The following CADM1 variants were observed in gnomAD, a reference collection of about 807,000 sequenced individuals.
The protein encoded by CADM1 is cell adhesion molecule 1.
A neutral mutation model predicts 53.1 loss-of-function variants in CADM1; 15 were observed. That is an observed-to-expected ratio of 0.28 (90% confidence interval 0.19 to 0.44). The LOEUF is 0.44. CADM1 is among the 20% of genes least tolerant of loss of function. CADM1 has a pLI of 1.00. For synonymous variants in CADM1, 281 were observed against 243.0 expected, an observed-to-expected ratio of 1.16 and a Z score of -1.45; for missense variants, 434 against 611.3, an observed-to-expected ratio of 0.71 and a Z score of 3.06.
At chr11:115,214,544 A>C in intron 7 of CADM1, 64 bp downstream of exon 7, 1 of 1,477,086 alleles carries the variant, frequency 6.8e-7, no homozygotes, top group Non-Finnish European at 9.5e-7. Flanking sequence ...CTTTGAGAGT[A>C]AATCACAAGT....
chr11:115,233,526 G>C (rs1277608742), intron 3 of CADM1, among the ~76,000 whole-genome samples: 1 of 151,982 alleles, frequency 6.6e-6, no homozygotes, highest in East Asian at 1.9e-4. Context: ...TAGATGTTTA[G>C]GACTAATAAA....
chr11:115,294,246 T>C (rs1943987227), intron 1 of CADM1, among the ~76,000 whole-genome samples: 1 of 152,180 alleles, frequency 6.6e-6, no homozygotes, highest in Non-Finnish European at 1.5e-5. Flanking sequence ...GTCATGCATT[T>C]GCCAGAGGAG....
At position 115,173,863 on chromosome 11, in the gene CADM1, A is replaced by G. The variant is rs967112804; in HGVS notation, c.*2611T>C. 24 of 971,414 alleles carry G rather than the reference A, an allele frequency of 2.5e-5. No homozygotes were observed. Among genetic ancestry groups the G allele is most frequent in the Middle Eastern group, 5.2e-4 (1 of 1,914 alleles). 60.2% of individuals were successfully genotyped at this position (971,414 alleles called of 1,614,324 possible). On this transcript the variant is annotated 3_prime_UTR_variant, in exon 12 of 12. Coordinates refer to ENST00000331581, the MANE Select transcript of CADM1 (RefSeq NM_001301043.2). ...TAAAGAACAAGCTTATTTGGCATCAATTATACATCCTTCATTATTTTATAT... is the reference window on the plus strand; with the variant it reads ...TAAAGAACAAGCTTATTTGGCATCAGTTATACATCCTTCATTATTTTATAT...
chr11:115,290,008 C>T (rs1175473069), intron 1 of CADM1, among the ~76,000 whole-genome samples: 1 of 152,218 alleles, frequency 6.6e-6, no homozygotes, highest in Non-Finnish European at 1.5e-5. Context: ...GGTATCCTCT[C>T]TTTCAGATAG....
intron 1 of CADM1, among the ~76,000 whole-genome samples, chr11:115,285,770 G>A (rs952887681): frequency 3.3e-5 from 5 of 152,112 alleles, no homozygotes; most frequent in African/African-American, 7.2e-5. Context: ...CTGAGCTCTC[G>A]GTGAACCCCT....
intron 1 of CADM1, among the ~76,000 whole-genome samples, chr11:115,484,205 A>T (rs1949319215): frequency 1.3e-5 from 2 of 152,148 alleles, no homozygotes; most frequent in Non-Finnish European, 2.9e-5. Flanking sequence ...CCCCCTACTA[A>T]CTAATATGGG....
intron 1 of CADM1, among the ~76,000 whole-genome samples, chr11:115,380,391 C>T (rs1316320525): frequency 2.0e-5 from 3 of 152,230 alleles, no homozygotes; most frequent in South Asian, 2.1e-4. Flanking sequence ...AATATTAAAC[C>T]ATCCATCAGT....
rs148209064 is a variant in CADM1 at position 115,407,873 on chromosome 11, T to TAAAAAAA, written c.124+96391_124+96397dup. Among the ~76,000 whole-genome samples the TAAAAAAA allele has an allele frequency of 2.2e-4, 7 of 31,744 alleles. 1 individual carries two copies. The highest frequency in any genetic ancestry group is 1.4e-3 in the Admixed American group (2 of 1,412). 20.8% of individuals were successfully genotyped at this position (31,744 alleles called of 152,430 possible). Reference sequence around the variant, plus strand: ...AGAAGGAAAGTAAGACCCTGTCATTTAAAAAAAAAAAAAAAAAAAAAAAAA... The same window carrying TAAAAAAA: ...AGAAGGAAAGTAAGACCCTGTCATTTAAAAAAAAAAAAAAAAAAAAAAAAAAAAAAAA... On this transcript the variant is annotated intron_variant, in intron 1 of 11. Coordinates refer to ENST00000331581, the MANE Select transcript of CADM1 (RefSeq NM_001301043.2).
rs528770250 is a variant in CADM1 at position 115,193,217 on chromosome 11, A to C, written c.1112-2276T>G. The stretch of plus-strand genomic sequence containing the variant: ...ATTCTTCAAAAGGAGACTTCACTCT[A>C]ACAATAAGTGGGAAATTACTTCTTG... On this transcript the variant is annotated intron_variant, in intron 9 of 11. Transcript: ENST00000331581. Among the ~76,000 whole-genome samples the C allele has an allele frequency of 2.6e-5, 4 of 152,340 alleles. No individual in the cohort carries two copies. In the South Asian group the frequency reaches 6.2e-4, roughly 24 times the overall value.
intron 1 of CADM1, chr11:115,445,667 C>A: frequency 2.8e-6 from 1 of 356,396 alleles, no homozygotes; most frequent in Non-Finnish European, 5.6e-6. Flanking sequence ...AACATGGCAA[C>A]ACCCTGTCTC....
chr11:115,215,782 T>C (rs1160996746), intron 6 of CADM1, among the ~76,000 whole-genome samples: 4 of 152,196 alleles, frequency 2.6e-5, no homozygotes, highest in African/African-American at 9.6e-5. Context: ...GCCTGAAAAC[T>C]TTCATTTTGA....
In CADM1 at chr11:115,362,413, C is replaced by T. The variant is rs377219330; in HGVS notation, c.125-121993G>A. ...ATTTTACTTTTTAAACCCAACAAGG[C>T]ATCCTGTTTTCTGTCTTATCTTCAA... On this transcript the variant is annotated intron_variant, in intron 1 of 11. Transcript: ENST00000331581. 2.0e-5 allele frequency among the ~76,000 whole-genome samples: 3 copies of T among 152,290 alleles called. No homozygotes were observed. The South Asian group carries it at 6.2e-4, about 32-fold the overall frequency.
chr11:115,211,920 G>C (rs531260876), intron 7 of CADM1, among the ~76,000 whole-genome samples: 1 of 151,688 alleles, frequency 6.6e-6, no homozygotes, highest in South Asian at 2.1e-4. Context: ...GACTAATGAA[G>C]ACACAGACTT....
intron 1 of CADM1, among the ~76,000 whole-genome samples, chr11:115,251,183 C>G (rs1942592550): frequency 6.6e-6 from 1 of 152,204 alleles, no homozygotes; most frequent in Non-Finnish European, 1.5e-5. Context: ...AAAGGCAGCT[C>G]AACTCCAACT....
chr11:115,495,950 C>T (rs968363343), intron 1 of CADM1, among the ~76,000 whole-genome samples: 1 of 152,198 alleles, frequency 6.6e-6, no homozygotes, highest in South Asian at 2.1e-4. Context: ...GGCCCTCTGA[C>T]TGTGACCCTT....
chr11:115,303,955 A>G (rs1944299789), intron 1 of CADM1, among the ~76,000 whole-genome samples: 1 of 152,070 alleles, frequency 6.6e-6, no homozygotes, highest in South Asian at 2.1e-4. Context: ...TGGAAAGCAC[A>G]TACATTTTTG....
At chr11:115,332,495 G>A (rs899362485) in intron 1 of CADM1, among the ~76,000 whole-genome samples, 1 of 152,144 alleles carries the variant, frequency 6.6e-6, no homozygotes, top group Non-Finnish European at 1.5e-5. Context: ...ATTCTGCATT[G>A]AATCACTGAG....
intron 7 of CADM1, among the ~76,000 whole-genome samples, chr11:115,212,502 C>T (rs1368631109): frequency 6.6e-6 from 1 of 152,084 alleles, no homozygotes; most frequent in East Asian, 1.9e-4. Context: ...ATAGGTGTAC[C>T]ATCTTGGATT....
At chr11:115,376,858 T>C (rs552881113) in intron 1 of CADM1, among the ~76,000 whole-genome samples, 21 of 152,288 alleles carry the variant, frequency 1.4e-4, no homozygotes, top group Admixed American at 1.3e-3. Flanking sequence ...TCTCTGAGTC[T>C]CCATAGCTTC....
Sources: allele counts gnomAD v4.1 joint callset (sites outside exome capture counted in the v4.1 genomes callset), GRCh38; gene constraint gnomAD v4.1.1; transcripts MANE v1.5; gene names NCBI Gene and HGNC (gene_info 2026-07-23, HGNC 2026-07-21).